Variants in CSMD1 observed in about 807,000 individuals in gnomAD.
The protein encoded by CSMD1 is CUB and Sushi multiple domains 1, also known as CUB and sushi domain-containing protein 1.
CSMD1 carries 213 observed loss-of-function variants against 417.5 expected under a neutral mutation model. The observed-to-expected ratio is 0.51, with a 90% CI of 0.46 to 0.57. The LOEUF is 0.57. Ranked by LOEUF, CSMD1 falls within the 20% of genes least tolerant of loss-of-function variation. The probability of loss-of-function intolerance (pLI) is 0.00; values close to 1 mark genes in which losing one functional copy is unlikely to be tolerated. For missense variants in CSMD1, 6,923 were observed against 4,529.7 expected (o/e 1.53, Z -15.17); for synonymous variants, 2,862 against 1,736.8 (o/e 1.65, Z -16.11).
At chr8:4,293,939 T>C (rs898849052) in intron 3 of CSMD1, among the ~76,000 whole-genome samples, 1 of 151,858 alleles carries the variant, frequency 6.6e-6, no homozygotes, top group Non-Finnish European at 1.5e-5. Flanking sequence ...TTCCACACTT[T>C]TAAACACTTT....
intron 26 of CSMD1, among the ~76,000 whole-genome samples, chr8:3,241,923 A>ATATTT (rs1187674658): frequency 6.6e-6 from 1 of 150,482 alleles, no homozygotes; most frequent in Non-Finnish European, 1.5e-5. Context: ...GTTTTATTTA[A>ATATTT]TGCCGGGAGC....
chr8:4,754,804 G>A lies in CSMD1; in HGVS notation c.86-117246C>T, dbSNP rs562238839. On this transcript the variant is annotated intron_variant, in intron 1 of 69. Transcript: ENST00000635120. ...GCAGAGGTTGCAGTGAGCCGAGATC[G>A]CACCACTGCACTCCAGCCTGGGTGA... 2.2e-4 allele frequency among the ~76,000 whole-genome samples: 33 copies of A among 152,154 alleles called. No individual in the cohort carries two copies. In the East Asian group the frequency reaches 4.3e-3, roughly 20 times the overall value.
chr8:4,434,465 C>T lies in CSMD1; in HGVS notation c.303-14400G>A, dbSNP rs78434121. Among the ~76,000 whole-genome samples, 834 of 152,154 alleles carry T rather than the reference C, an allele frequency of 5.5e-3. 3 individuals are homozygous for T. Among genetic ancestry groups the T allele is most frequent in the African/African-American group, 0.019 (780 of 41,490 alleles). ...GCTTTGTGACCCATCCTATGAAGTC[C>T]CCACACTCTAACAGAAGGAAAGAAA... On this transcript the variant is annotated intron_variant, in intron 2 of 69. Transcript: ENST00000635120.
intron 3 of CSMD1, among the ~76,000 whole-genome samples, chr8:4,265,106 T>A (rs4288395): frequency 1.3e-5 from 2 of 151,936 alleles, no homozygotes; most frequent in African/African-American, 4.8e-5. Flanking sequence ...GCTCTTCAAA[T>A]TAAGTTGAAA....
chr8:4,532,066 C>T (rs547045248), intron 2 of CSMD1, among the ~76,000 whole-genome samples: 1 of 148,440 alleles, frequency 6.7e-6, no homozygotes, highest in East Asian at 2.1e-4. Context: ...ATAAATCCCG[C>T]ACCCTCATTC....
intron 5 of CSMD1, among the ~76,000 whole-genome samples, chr8:3,974,362 A>C (rs1405475487): frequency 6.6e-6 from 1 of 152,058 alleles, no homozygotes; most frequent in Non-Finnish European, 1.5e-5. Context: ...ATGGAATCAA[A>C]TATACAGCTT....
At chr8:4,354,625 T>C (rs1801291157) in intron 3 of CSMD1, among the ~76,000 whole-genome samples, 1 of 152,104 alleles carries the variant, frequency 6.6e-6, no homozygotes, top group Non-Finnish European at 1.5e-5. Context: ...TAAGAACGTG[T>C]CTACTCAAAA....
At chr8:4,231,854 G>T (rs1046606491) in intron 3 of CSMD1, among the ~76,000 whole-genome samples, 4 of 152,182 alleles carry the variant, frequency 2.6e-5, no homozygotes, top group Admixed American at 1.3e-4. Flanking sequence ...ACATGTATAT[G>T]ATAAAGGATC....
intron 3 of CSMD1, among the ~76,000 whole-genome samples, chr8:4,358,103 G>T (rs1351672923): frequency 6.6e-6 from 1 of 152,066 alleles, no homozygotes; most frequent in African/African-American, 2.4e-5. Flanking sequence ...CATATGCTAT[G>T]ATCAGCCAAT....
At chr8:4,507,680 A>T (rs969944437) in intron 2 of CSMD1, among the ~76,000 whole-genome samples, 2 of 152,200 alleles carry the variant, frequency 1.3e-5, no homozygotes, top group Non-Finnish European at 2.9e-5. Context: ...GCAATGGAAG[A>T]TACATAAATA....
chr8:3,885,790 G>C (rs563914296), intron 5 of CSMD1, among the ~76,000 whole-genome samples: 9 of 152,090 alleles, frequency 5.9e-5, no homozygotes, highest in African/African-American at 2.2e-4. Context: ...ACAGAAAGCT[G>C]ACTTTCTTAA....
intron 5 of CSMD1, among the ~76,000 whole-genome samples, chr8:3,792,546 C>G (rs1585005741): frequency 6.6e-6 from 1 of 152,142 alleles, no homozygotes; most frequent in African/African-American, 2.4e-5. Context: ...ATTTTTCAGA[C>G]TAGTAACTTT....
At chr8:3,134,529 GT>G in intron 41 of CSMD1, among the ~76,000 whole-genome samples, 1 of 152,366 alleles carries the variant, frequency 6.6e-6, no homozygotes, top group Non-Finnish European at 1.5e-5. Context: ...TGTGATCGGA[GT>G]TTTCCCACAG....
intron 4 of CSMD1, among the ~76,000 whole-genome samples, chr8:4,024,768 T>TA (rs890001056): frequency 6.6e-6 from 1 of 152,194 alleles, no homozygotes; most frequent in Non-Finnish European, 1.5e-5. Flanking sequence ...ACGGCATACA[T>TA]AAACATACGT....
In CSMD1 at chr8:4,748,362, T is replaced by C. The variant is rs375860708; in HGVS notation, c.86-110804A>G. Among the ~76,000 whole-genome samples, 3 of 152,262 alleles carry C rather than the reference T, an allele frequency of 2.0e-5. 1 individual carries two copies. The highest frequency in any genetic ancestry group is 7.2e-5 in the African/African-American group (3 of 41,476). ...CATATGGAAATTTGTTTTCTTAGCA[T>C]GGTTTTCTGCTCCTTTGAATACTTT... On this transcript the variant is annotated intron_variant, in intron 1 of 69. Coordinates refer to ENST00000635120, the MANE Select transcript of CSMD1 (RefSeq NM_033225.6).
At chr8:3,832,257 T>A (rs1802421045) in intron 5 of CSMD1, among the ~76,000 whole-genome samples, 1 of 152,338 alleles carries the variant, frequency 6.6e-6, no homozygotes, top group Admixed American at 6.5e-5. Context: ...CTTCCCTGCC[T>A]GATTTCCCTT....
intron 12 of CSMD1, among the ~76,000 whole-genome samples, chr8:3,421,911 T>A (rs1010557474): frequency 3.3e-5 from 5 of 151,754 alleles, no homozygotes; most frequent in African/African-American, 1.2e-4. Flanking sequence ...GTGCTGGGAT[T>A]ACAGGCGTGA....
chr8:4,544,494 C>A (rs1392332393), intron 2 of CSMD1, among the ~76,000 whole-genome samples: 1 of 151,870 alleles, frequency 6.6e-6, no homozygotes, highest in Non-Finnish European at 1.5e-5. Flanking sequence ...TTTATTTTAG[C>A]TAATATATGT....
intron 33 of CSMD1, among the ~76,000 whole-genome samples, chr8:3,193,967 T>C (rs539535350): frequency 6.6e-6 from 1 of 152,320 alleles, no homozygotes; most frequent in African/African-American, 2.4e-5. Context: ...TCTGAGTGCA[T>C]GTAGGACTCA....
Sources: allele counts gnomAD v4.1 joint callset (sites outside exome capture counted in the v4.1 genomes callset), GRCh38; gene constraint gnomAD v4.1.1; transcripts MANE v1.5; gene names NCBI Gene and HGNC (gene_info 2026-07-23, HGNC 2026-07-21).